FBXL19: variants seen among roughly 807,000 people sequenced by gnomAD.
FBXL19 encodes the protein F-box and leucine rich repeat protein 19.
FBXL19 carries 16 observed loss-of-function variants against 71.2 expected under a neutral mutation model. That is an observed-to-expected ratio of 0.22 (90% CI 0.15 to 0.34). FBXL19 has a LOEUF of 0.34. Ranked by LOEUF, FBXL19 falls within the 10% of genes least tolerant of loss-of-function variation. The pLI is 1.00. For synonymous variants in FBXL19, 447 were observed against 409.4 expected (o/e 1.09, Z -1.11); for missense variants, 658 against 968.2 (o/e 0.68, Z 4.25).
intron 7 of FBXL19, among the ~76,000 whole-genome samples, chr16:30,936,577 C>G (rs2055736028): frequency 6.6e-6 from 1 of 151,036 alleles, no homozygotes; most frequent in South Asian, 2.1e-4. Context: ...AGGTGCCTGC[C>G]ACCACGCCTG....
At chr16:30,932,279 G>C (rs1211676630) in intron 7 of FBXL19, among the ~76,000 whole-genome samples, 1 of 152,194 alleles carries the variant, frequency 6.6e-6, no homozygotes, top group Non-Finnish European at 1.5e-5. Flanking sequence ...TCAGAATGTA[G>C]ATCTGTGCCC....
At position 30,925,315 on chromosome 16, in the gene FBXL19, T is replaced by C. The variant is rs752046079; in HGVS notation, c.-24-416T>C. Among the ~76,000 whole-genome samples the C allele has an allele frequency of 4.6e-5, 7 of 151,936 alleles. No homozygotes were observed. Among genetic ancestry groups the C allele is most frequent in the Non-Finnish European group, 1.0e-4 (7 of 67,954 alleles). ...GTGAATCTGGGCAGTTTACCCCAGA[T>C]TGAGGTTGGGGAGAGCCTGGGATAT... On this transcript the variant is annotated intron_variant, in intron 1 of 10. Transcript: ENST00000338343. The surrounding 1 kb of genome is among the most constrained non-coding windows in gnomAD (Gnocchi z 5.0).
chr16:30,924,708 G>T (rs1428604597), intron 1 of FBXL19: 1 of 1,486,954 alleles, frequency 6.7e-7, no homozygotes, highest in Non-Finnish European at 8.9e-7. Context: ...CCCCTGGAGC[G>T]CTGGAGGGCC....
intron 7 of FBXL19, among the ~76,000 whole-genome samples, chr16:30,931,872 A>ACC (rs1323697827): frequency 2.7e-5 from 4 of 146,902 alleles, no homozygotes; most frequent in Non-Finnish European, 6.0e-5. Flanking sequence ...GATTATAGGC[A>ACC]CCCACCACCA....
chr16:30,923,894 G>C lies in FBXL19; in HGVS notation c.-590G>C, dbSNP rs1419026246. Among the ~76,000 whole-genome samples the C allele has an allele frequency of 6.6e-6, 1 of 151,274 alleles. No homozygotes were observed. Among genetic ancestry groups the C allele is most frequent in the African/African-American group, 2.4e-5 (1 of 41,232 alleles). On this transcript the variant is annotated 5_prime_UTR_variant, in exon 1 of 11. Coordinates refer to ENST00000338343, the MANE Select transcript of FBXL19 (RefSeq NM_001382779.1). ...CCGCTCGCCTCGCAGCCGTAGGGCA[G>C]GGGGTCGCAGTCCAGGGGCGGGCCC... is the stretch of plus-strand genomic sequence containing the variant.
intron 9 of FBXL19, among the ~76,000 whole-genome samples, chr16:30,943,452 G>A (rs1298421953): frequency 7.2e-6 from 1 of 139,662 alleles, no homozygotes; most frequent in Non-Finnish European, 1.5e-5. Flanking sequence ...TCGGATCACT[G>A]CAAGCTCCAC....
In FBXL19 at chr16:30,948,013, C is replaced by T; in HGVS notation, c.*783C>T. The stretch of plus-strand genomic sequence containing the variant: ...CCTCTCCGCACAATACTTGAACATT[C>T]ATCTGTACTGAAGTGTTACTTGAAC... On this transcript the variant is annotated 3_prime_UTR_variant, in exon 11 of 11. Transcript: ENST00000338343. 1 of 360,144 alleles carries T rather than the reference C, an allele frequency of 2.8e-6. No homozygotes were observed. The highest frequency in any genetic ancestry group is 5.5e-6 in the Non-Finnish European group (1 of 182,644). The allele number at this position is 360,144 out of a possible 1,614,324, so 22.3% of individuals were successfully genotyped here. A position where few individuals can be genotyped will look rare whatever the true frequency, so the allele number is the denominator to read the frequency against.
In FBXL19 at chr16:30,942,553, C is replaced by G; in HGVS notation, c.1627+17C>G. 1 of 1,562,762 alleles carries G rather than the reference C, an allele frequency of 6.4e-7. No homozygotes were observed. On this transcript the variant is annotated intron_variant, in intron 9 of 10. Transcript: ENST00000338343. The surrounding 1 kb of genome is among the most constrained non-coding windows in gnomAD (Gnocchi z 5.7). ...CCAAACCAGGTGCAACCTCTGTTTG[C>G]TTTTCTGGAGAATGGGCTGGGCAAG...
intron 7 of FBXL19, among the ~76,000 whole-genome samples, chr16:30,933,699 C>T (rs1027467338): frequency 6.6e-6 from 1 of 151,928 alleles, no homozygotes; most frequent in Middle Eastern, 3.2e-3. Context: ...GATCCTTCCA[C>T]CTTGGCCTCC....
At position 30,930,607 on chromosome 16, in the gene FBXL19, C is replaced by T. The variant is rs752819783; in HGVS notation, c.1301+23C>T. 7 of 1,408,916 alleles carry T rather than the reference C, an allele frequency of 5.0e-6. No individual in the cohort carries two copies. Among genetic ancestry groups the T allele is most frequent in the African/African-American group, 3.0e-5 (2 of 66,734 alleles). 87.3% of individuals were successfully genotyped at this position (1,408,916 alleles called of 1,614,324 possible). The stretch of plus-strand genomic sequence containing the variant: ...CTGGTGAGTGGCCTGGACAGGCCTG[C>T]GTTCCGTGGCCAGCAGGCTTCCCGC... On this transcript the variant is annotated intron_variant, in intron 7 of 10. Transcript: ENST00000338343. The surrounding 1 kb of genome is among the most constrained non-coding windows in gnomAD (Gnocchi z 8.5).
Position 30,925,973 on chromosome 16 carries a change from A to C in FBXL19, c.177+42A>C. On this transcript the variant is annotated intron_variant, in intron 2 of 10. Coordinates refer to ENST00000338343, the MANE Select transcript of FBXL19 (RefSeq NM_001382779.1). The surrounding 1 kb of genome is among the most constrained non-coding windows in gnomAD (Gnocchi z 5.0). Reference sequence around the variant, plus strand: ...CCTTTGGGCTCTGCCCACCCTTCCCAATACCTTCTTGGAATGGCTGGTGAC... The same window carrying C: ...CCTTTGGGCTCTGCCCACCCTTCCCCATACCTTCTTGGAATGGCTGGTGAC... The C allele has an allele frequency of 2.8e-6, 4 of 1,444,474 alleles. No homozygotes were observed. The highest frequency in any genetic ancestry group is 1.5e-5 in the African/African-American group (1 of 67,044). The allele number at this position is 1,444,474 out of a possible 1,614,324, so 89.5% of individuals were successfully genotyped here.
intron 6 of FBXL19, 29 bp downstream of exon 6, chr16:30,928,657 C>G (rs1481674460): frequency 6.7e-7 from 1 of 1,490,356 alleles, no homozygotes; most frequent in African/African-American, 1.4e-5. Flanking sequence ...CCCTCCCCTT[C>G]CCACCTTCCC....
rs984543349 is a variant in FBXL19, at chr16:30,948,713, C to G, written c.*1483C>G. 1 of 152,206 alleles carries G rather than the reference C, an allele frequency of 6.6e-6. No individual in the cohort carries two copies. The highest frequency in any genetic ancestry group is 2.4e-5 in the African/African-American group (1 of 41,416). 9.4% of individuals were successfully genotyped at this position (152,206 alleles called of 1,614,324 possible). A position where few individuals can be genotyped will look rare whatever the true frequency, so the allele number is the denominator to read the frequency against. On this transcript the variant is annotated 3_prime_UTR_variant, in exon 11 of 11. Coordinates refer to ENST00000338343, the MANE Select transcript of FBXL19 (RefSeq NM_001382779.1). ...GGCGAGGGGCAAGCGGGGGACCCAG[C>G]CGGGCTGGGCCCCTGGGCCCCGGGT...
upstream of FBXL19, chr16:30,923,258 C>G (rs567360813): frequency 2.2e-6 from 1 of 451,852 alleles, no homozygotes; most frequent in South Asian, 1.6e-5. Flanking sequence ...GTTCCCTCTC[C>G]TTCTCGATGT....
chr16:30,925,721 C>T lies in FBXL19; in HGVS notation c.-24-10C>T. 7 of 1,491,042 alleles carry T rather than the reference C, an allele frequency of 4.7e-6. No individual in the cohort carries two copies. Among genetic ancestry groups the T allele is most frequent in the Non-Finnish European group, 6.2e-6 (7 of 1,126,322 alleles). 92.4% of individuals were successfully genotyped at this position (1,491,042 alleles called of 1,614,324 possible). On this transcript the variant is annotated splice_polypyrimidine_tract_variant and intron_variant, in intron 1 of 10. Transcript: ENST00000338343. The surrounding 1 kb of genome is among the most constrained non-coding windows in gnomAD (Gnocchi z 5.0). The stretch of plus-strand genomic sequence containing the variant: ...TGGGCCCATCTGACCCTGCCACCAT[C>T]CACCTACAGCCCTCGGCGTTGCTGA...
At chr16:30,923,565 AG>A (rs941133728), upstream of FBXL19, among the ~76,000 whole-genome samples, 4 of 16,078 alleles carry the variant, frequency 2.5e-4, no homozygotes, top group East Asian at 1.7e-3. Flanking sequence ...AGGGGAGGGG[AG>A]GGGGGAAGAG....
At chr16:30,936,613 T>G (rs935308078) in intron 7 of FBXL19, among the ~76,000 whole-genome samples, 27 of 147,434 alleles carry the variant, frequency 1.8e-4, no homozygotes, top group Middle Eastern at 3.3e-3. Context: ...TTTTTTTTTT[T>G]TTTTTTTGTT....
intron 2 of FBXL19, among the ~76,000 whole-genome samples, chr16:30,926,551 C>T (rs2055593267): frequency 6.6e-6 from 1 of 152,090 alleles, no homozygotes; most frequent in African/African-American, 2.4e-5. Flanking sequence ...GGCCCCTCCC[C>T]AGCAGCCGCG....
chr16:30,928,437 T>G, intron 5 of FBXL19, 30 bp from the exon 6 acceptor site: 1 of 1,529,814 alleles, frequency 6.5e-7, no homozygotes, highest in Non-Finnish European at 8.8e-7. Flanking sequence ...GGTCTCTCCC[T>G]TCCTCCATAT....
Sources: allele counts gnomAD v4.1 joint callset (sites outside exome capture counted in the v4.1 genomes callset), GRCh38; gene constraint gnomAD v4.1.1; non-coding constraint Gnocchi (gnomAD v3.1); transcripts MANE v1.5; gene names NCBI Gene and HGNC (gene_info 2026-07-23, HGNC 2026-07-21).